The following FNDC3B variants were observed in gnomAD, a reference collection of about 807,000 sequenced individuals.
FNDC3B encodes fibronectin type III domain-containing protein 3B.
A neutral mutation model predicts 151.5 loss-of-function variants in FNDC3B; 12 were observed. The ratio of observed to expected loss-of-function variants is 0.08; its 90% confidence interval spans 0.05 to 0.13. FNDC3B has a LOEUF of 0.13. FNDC3B is among the 10% of genes least tolerant of loss of function. The probability of loss-of-function intolerance (pLI) is 1.00; values close to 1 mark genes in which losing one functional copy is unlikely to be tolerated. For synonymous variants in FNDC3B, 528 were observed against 549.0 expected (o/e 0.96, Z 0.54); for missense variants, 1,214 against 1,505.3 (o/e 0.81, Z 3.20).
chr3:172,176,943 T>A (rs1723626619), intron 3 of FNDC3B, among the ~76,000 whole-genome samples: 1 of 151,960 alleles, frequency 6.6e-6, no homozygotes, highest in South Asian at 2.1e-4. Flanking sequence ...GATCAGTGGA[T>A]GGAAAATTAC....
intron 3 of FNDC3B, among the ~76,000 whole-genome samples, chr3:172,150,948 T>A (rs1451309862): frequency 6.6e-6 from 1 of 152,220 alleles, no homozygotes. Flanking sequence ...TACATAGGTT[T>A]TTTTTCTAAG....
At chr3:172,086,277 T>G in intron 1 of FNDC3B, among the ~76,000 whole-genome samples, 1 of 152,004 alleles carries the variant, frequency 6.6e-6, no homozygotes, top group Non-Finnish European at 1.5e-5. Flanking sequence ...GGAGGTTTGC[T>G]TGAGCTCAGG....
rs575593857 is a variant in FNDC3B at position 172,145,869 on chromosome 3, A to G, written c.187+12323A>G. Among the ~76,000 whole-genome samples the G allele has an allele frequency of 6.9e-4, 101 of 146,720 alleles. 1 individual carries two copies. The highest frequency in any genetic ancestry group is 2.5e-3 in the African/African-American group (98 of 39,424). Reference sequence around the variant, plus strand: ...ACTCTTGTTGCCCAGGCTGGAGTGCAATGGTGTGATCTCGGCTCACTGCAA... The same window carrying G: ...ACTCTTGTTGCCCAGGCTGGAGTGCGATGGTGTGATCTCGGCTCACTGCAA... On this transcript the variant is annotated intron_variant, in intron 3 of 25. Coordinates refer to ENST00000415807, the MANE Select transcript of FNDC3B (RefSeq NM_022763.4).
At chr3:172,254,745 C>A (rs1373597368) in intron 6 of FNDC3B, among the ~76,000 whole-genome samples, 1 of 152,176 alleles carries the variant, frequency 6.6e-6, no homozygotes, top group African/African-American at 2.4e-5. Flanking sequence ...CCATAGTACA[C>A]TCTGAGAAAT....
At chr3:172,199,958 A>G (rs922309818) in intron 3 of FNDC3B, among the ~76,000 whole-genome samples, 2 of 152,198 alleles carry the variant, frequency 1.3e-5, no homozygotes, top group Admixed American at 6.5e-5. Context: ...GTGCATTTGT[A>G]TGGTTACCAT....
intron 22 of FNDC3B, among the ~76,000 whole-genome samples, chr3:172,355,857 G>A (rs1302092001): frequency 6.6e-6 from 1 of 152,186 alleles, no homozygotes; most frequent in East Asian, 1.9e-4. Flanking sequence ...CTGATGTGCA[G>A]TGCCCAGACC....
intron 23 of FNDC3B, among the ~76,000 whole-genome samples, chr3:172,375,149 T>G (rs1735071173): frequency 6.6e-6 from 1 of 152,144 alleles, no homozygotes; most frequent in African/African-American, 2.4e-5. Flanking sequence ...TGTCAGCTTT[T>G]TAATAATGTG....
chr3:172,091,544 T>G (rs1422517339), intron 1 of FNDC3B, among the ~76,000 whole-genome samples: 1 of 152,206 alleles, frequency 6.6e-6, no homozygotes, highest in Non-Finnish European at 1.5e-5. Context: ...AGTTTCCTAG[T>G]GTTCTGAAAA....
Position 172,251,313 on chromosome 3 carries a change from A to G in FNDC3B, c.562A>G (p.Ser188Gly), listed in dbSNP as rs1728055870. ...STYITREDQY[S>G]KPPHKKLKDR... The stretch of plus-strand genomic sequence containing the variant: ...CTACATCACCCGAGAAGACCAGTAC[A>G]GCAAGCCTCCGCACAAAAAACTGAA... The change falls in exon 6 of 26, where the codon AGC becomes GGC. Residue 188 changes from serine to glycine, a missense_variant. Ser to Gly is a moderately conservative substitution (Grantham distance 56). Transcript: ENST00000415807. The G allele has an allele frequency of 6.2e-7, 1 of 1,613,862 alleles. No homozygotes were observed. The highest frequency in any genetic ancestry group is 1.7e-5 in the Admixed American group (1 of 60,016).
chr3:172,385,292 A>G (rs1174794698), intron 25 of FNDC3B, among the ~76,000 whole-genome samples: 3 of 152,220 alleles, frequency 2.0e-5, no homozygotes, highest in African/African-American at 7.2e-5. Context: ...TACATCCACC[A>G]CAGCGGAGCT....
At chr3:172,372,606 G>A (rs902473907) in intron 23 of FNDC3B, among the ~76,000 whole-genome samples, 2 of 152,192 alleles carry the variant, frequency 1.3e-5, no homozygotes, top group South Asian at 4.1e-4. Context: ...TCTGGCATAG[G>A]CTGTAACAGA....
chr3:172,378,608 TGAAAG>T (rs1278908291), intron 24 of FNDC3B, among the ~76,000 whole-genome samples, 172 bp downstream of exon 24: 5 of 152,168 alleles, frequency 3.3e-5, no homozygotes, highest in Non-Finnish European at 5.9e-5. Flanking sequence ...TGAGAGACCT[TGAAAG>T]GAAAGGGCCT....
At chr3:172,059,079 T>G (rs1412223090) in intron 1 of FNDC3B, among the ~76,000 whole-genome samples, 13 of 152,202 alleles carry the variant, frequency 8.5e-5, no homozygotes, top group Admixed American at 7.9e-4. Context: ...TTATTTTCCT[T>G]ATTTATTTGT....
intron 22 of FNDC3B, among the ~76,000 whole-genome samples, chr3:172,361,084 G>A (rs1734332902): frequency 6.6e-6 from 1 of 152,068 alleles, no homozygotes; most frequent in Admixed American, 6.5e-5. Context: ...TAATTATTCA[G>A]TCCTCCTAGG....
chr3:172,217,129 T>G (rs1189049993), intron 3 of FNDC3B, among the ~76,000 whole-genome samples: 5 of 152,228 alleles, frequency 3.3e-5, no homozygotes, highest in Admixed American at 3.3e-4. Context: ...AATGTCATTG[T>G]GTCCTTGGCA....
chr3:172,340,344 G>A lies in FNDC3B; in HGVS notation c.1853-769G>A, dbSNP rs375522311. ...TCTGTCGCCCAGGCTGGTGTGCAAC[G>A]GCGCAATCTCGGCTCACTGCAACCT... On this transcript the variant is annotated intron_variant, in intron 16 of 25. Transcript: ENST00000415807. Among the ~76,000 whole-genome samples the A allele has an allele frequency of 2.3e-4, 34 of 150,726 alleles. No homozygotes were observed. The East Asian group carries it at 5.5e-3, about 24-fold the overall frequency.
chr3:172,059,150 AG>A (rs1371137434), intron 1 of FNDC3B, among the ~76,000 whole-genome samples: 2 of 152,226 alleles, frequency 1.3e-5, no homozygotes, highest in African/African-American at 2.4e-5. Flanking sequence ...TAATAAGTGT[AG>A]TACTAGTGTA....
chr3:172,092,590 G>T (rs1718893953), intron 1 of FNDC3B, among the ~76,000 whole-genome samples: 1 of 152,188 alleles, frequency 6.6e-6, no homozygotes, highest in South Asian at 2.1e-4. Context: ...CATGCATGAG[G>T]ATAGGAAGAC....
chr3:172,334,911 A>C (rs1732875104), intron 14 of FNDC3B, 33 bp from the exon 15 acceptor site: 1 of 1,595,926 alleles, frequency 6.3e-7, no homozygotes, highest in African/African-American at 1.3e-5. Flanking sequence ...CTGATAACTA[A>C]ATCATGTTAA....
Sources: allele counts gnomAD v4.1 joint callset (sites outside exome capture counted in the v4.1 genomes callset), GRCh38; gene constraint gnomAD v4.1.1; transcripts MANE v1.5; gene names NCBI Gene and HGNC (gene_info 2026-07-23, HGNC 2026-07-21).